FSTL5: variants seen among roughly 807,000 people sequenced by gnomAD.
The protein encoded by FSTL5 is follistatin-related protein 5.
Under a neutral mutation model 89.1 loss-of-function variants are expected in FSTL5, and 62 were observed. The ratio of observed to expected loss-of-function variants is 0.70; its 90% CI spans 0.57 to 0.86. FSTL5 has a LOEUF of 0.86. Ranked by LOEUF, FSTL5 falls within the 40% of genes least tolerant of loss-of-function variation. FSTL5 has a pLI of 0.00. For synonymous variants in FSTL5, 383 were observed against 346.2 expected (o/e 1.11, Z -1.18); for missense variants, 1,057 against 1,001.6 (o/e 1.06, Z -0.75).
At chr4:161,606,093 C>T (rs1338859646) in intron 7 of FSTL5, among the ~76,000 whole-genome samples, 1 of 149,508 alleles carries the variant, frequency 6.7e-6, no homozygotes, top group East Asian at 1.9e-4. Context: ...TCAGCTGAGG[C>T]CATCCAAGAC....
intron 3 of FSTL5, among the ~76,000 whole-genome samples, chr4:161,994,255 G>A (rs536184874): frequency 1.3e-5 from 2 of 152,256 alleles, no homozygotes; most frequent in East Asian, 1.9e-4. Context: ...ATTCCATGGT[G>A]TATATGTACC....
chr4:162,110,309 T>A (rs1319479089), intron 2 of FSTL5, among the ~76,000 whole-genome samples: 1 of 151,958 alleles, frequency 6.6e-6, no homozygotes, highest in East Asian at 1.9e-4. Context: ...GAAGATTAAA[T>A]CAGATAATAC....
chr4:161,422,669 C>CA (rs1336330876), intron 15 of FSTL5, among the ~76,000 whole-genome samples: 1 of 152,116 alleles, frequency 6.6e-6, no homozygotes, highest in Non-Finnish European at 1.5e-5. Context: ...GCAGCAACAA[C>CA]AAAAACAGCA....
intron 4 of FSTL5, among the ~76,000 whole-genome samples, chr4:161,871,714 CTGATT>C (rs1732268190): frequency 6.6e-6 from 1 of 152,086 alleles, no homozygotes; most frequent in African/African-American, 2.4e-5. Flanking sequence ...CTTTTCCAAA[CTGATT>C]TATTTGTTAA....
chr4:161,958,530 G>A (rs1233895183), intron 3 of FSTL5, among the ~76,000 whole-genome samples: 4 of 152,072 alleles, frequency 2.6e-5, no homozygotes, highest in African/African-American at 9.7e-5. Context: ...TACTTTTTAA[G>A]TTTTATTGAT....
At chr4:162,079,745 T>C (rs1446589515) in intron 2 of FSTL5, among the ~76,000 whole-genome samples, 1 of 150,922 alleles carries the variant, frequency 6.6e-6, no homozygotes, top group Non-Finnish European at 1.5e-5. Context: ...TCAAGAAAAA[T>C]GAAATAGAAG....
At chr4:161,960,207 C>A (rs1735138571) in intron 3 of FSTL5, among the ~76,000 whole-genome samples, 1 of 146,644 alleles carries the variant, frequency 6.8e-6, no homozygotes, top group Non-Finnish European at 1.5e-5. Context: ...GCTCTTGTTG[C>A]CCAGGCTGGA....
intron 4 of FSTL5, among the ~76,000 whole-genome samples, chr4:161,882,334 G>C (rs902064820): frequency 2.0e-5 from 3 of 151,944 alleles, no homozygotes; most frequent in African/African-American, 7.2e-5. Context: ...AATCATTGCT[G>C]ACCTACTACT....
At chr4:162,087,011 C>A (rs933755864) in intron 2 of FSTL5, among the ~76,000 whole-genome samples, 3 of 151,904 alleles carry the variant, frequency 2.0e-5, no homozygotes, top group African/African-American at 7.2e-5. Flanking sequence ...TTTATAGCCA[C>A]AAATCTTAAT....
At position 161,695,424 on chromosome 4, in the gene FSTL5, CGTGTGTGT is replaced by C. The variant is rs151205054; in HGVS notation, c.728-38938_728-38931del. Among the ~76,000 whole-genome samples the C allele has an allele frequency of 7.8e-3, 1,052 of 134,336 alleles. 14 individuals are homozygous for C. The highest frequency in any genetic ancestry group is 0.027 in the African/African-American group (991 of 36,836). The allele number at this position is 134,336 out of a possible 152,430, so 88.1% of individuals were successfully genotyped here. On this transcript the variant is annotated intron_variant, in intron 6 of 15. Coordinates refer to ENST00000306100, the MANE Select transcript of FSTL5 (RefSeq NM_020116.5). ...TGGCTGAGTAGTATTCCATGGTGTA[CGTGTGTGT>C]GTGTGTGTGTGTGTGTGTGTGTATA...
chr4:161,836,460 TA>T lies in FSTL5; in HGVS notation c.410-60387del, dbSNP rs1224668603. 2.1e-3 allele frequency among the ~76,000 whole-genome samples: 242 copies of T among 117,652 alleles called. 1 individual carries two copies. Among genetic ancestry groups the T allele is most frequent in the Middle Eastern group, 0.014 (3 of 216 alleles). The allele number at this position is 117,652 out of a possible 152,430, so 77.2% of individuals were successfully genotyped here. ...CCTAAAACTTAAAGTATAACAATAA[TA>T]AAAAAAAAAAGAAAAGAAAAGAAAA... On this transcript the variant is annotated intron_variant, in intron 4 of 15. Coordinates refer to ENST00000306100, the MANE Select transcript of FSTL5 (RefSeq NM_020116.5).
chr4:161,648,634 T>C (rs1027677369), intron 7 of FSTL5, among the ~76,000 whole-genome samples: 3 of 151,610 alleles, frequency 2.0e-5, no homozygotes, highest in African/African-American at 7.3e-5. Flanking sequence ...AATCCAAGAT[T>C]TGTCAGGTCT....
rs148683583 is a variant in FSTL5, at chr4:161,965,190, A to G, written c.161-44538T>C. On this transcript the variant is annotated intron_variant, in intron 3 of 15. Coordinates refer to ENST00000306100, the MANE Select transcript of FSTL5 (RefSeq NM_020116.5). ...TGTTTGACCTAAACTTCCTTTCAATATCCATGACCTGTTTTAAAATTCTTT... is the reference window on the plus strand; with the variant it reads ...TGTTTGACCTAAACTTCCTTTCAATGTCCATGACCTGTTTTAAAATTCTTT... 1.1e-4 allele frequency among the ~76,000 whole-genome samples: 16 copies of G among 152,198 alleles called. No individual in the cohort carries two copies. The East Asian group carries it at 2.9e-3, about 28-fold the overall frequency.
chr4:161,920,526 T>C lies in FSTL5; in HGVS notation c.287A>G (p.His96Arg). 6.2e-7 allele frequency: 1 copy of C among 1,614,116 alleles called. No homozygotes were observed. The highest frequency in any genetic ancestry group is 8.5e-7 in the Non-Finnish European group (1 of 1,180,000). The change falls in exon 4 of 16, where the codon CAC becomes CGC. Residue 96 changes from histidine to arginine, a missense_variant. By Grantham distance (29) the His-to-Arg change is conservative. Transcript: ENST00000306100. ...ECACMDLCKR[H>R]YKPVCGSDGE... ...GTCAGATCCACACACAGGTTTGTAGTGACGTTTGCAAAGGTCCATACAGGC... is the reference window on the plus strand; with the variant it reads ...GTCAGATCCACACACAGGTTTGTAGCGACGTTTGCAAAGGTCCATACAGGC...
chr4:161,850,729 A>C (rs1329782867), intron 4 of FSTL5, among the ~76,000 whole-genome samples: 1 of 152,210 alleles, frequency 6.6e-6, no homozygotes, highest in Non-Finnish European at 1.5e-5. Context: ...AAAAGAAAAA[A>C]TATTTTCGTT....
At chr4:161,436,586 T>G (rs1732568273) in intron 15 of FSTL5, among the ~76,000 whole-genome samples, 1 of 152,210 alleles carries the variant, frequency 6.6e-6, no homozygotes, top group Non-Finnish European at 1.5e-5. Context: ...ATTGACACAT[T>G]TATTATAACA....
chr4:162,014,154 A>T (rs183082040), intron 3 of FSTL5, among the ~76,000 whole-genome samples: 16 of 152,358 alleles, frequency 1.1e-4, no homozygotes, highest in Non-Finnish European at 1.8e-4. Flanking sequence ...AGTGAGCTGC[A>T]GAGGCTGGAG....
chr4:161,942,233 A>T (rs1734608198), intron 3 of FSTL5, among the ~76,000 whole-genome samples: 1 of 151,882 alleles, frequency 6.6e-6, no homozygotes, highest in Admixed American at 6.6e-5. Context: ...TAGAAAAAGC[A>T]AAACAAAACC....
At chr4:161,761,384 T>C (rs1740796303) in intron 5 of FSTL5, among the ~76,000 whole-genome samples, 1 of 152,202 alleles carries the variant, frequency 6.6e-6, no homozygotes, top group Non-Finnish European at 1.5e-5. Context: ...GAAGGGGCAG[T>C]GTGCGCGATT....
Sources: gnomAD v4.1 joint callset for allele counts (sites outside exome capture counted in the v4.1 genomes callset) on GRCh38, gnomAD v4.1.1 for gene constraint, MANE v1.5 for transcripts, NCBI Gene and HGNC (gene_info 2026-07-23, HGNC 2026-07-21) for gene names.